The following RASAL2 variants were observed in gnomAD, a reference collection of about 807,000 sequenced individuals.
RASAL2 encodes ras GTPase-activating protein nGAP.
A neutral mutation model predicts 128.9 loss-of-function variants in RASAL2; 58 were observed. That is an observed-to-expected ratio of 0.45 (90% CI 0.36 to 0.56). The LOEUF (loss-of-function observed/expected upper bound fraction) is 0.56, where lower values mean the gene tolerates loss of function less well. Among genes scored for constraint, RASAL2 ranks in the 20% least tolerant of loss-of-function variants. The pLI, the probability that RASAL2 is intolerant of heterozygous loss-of-function variation, is 0.00. For synonymous variants in RASAL2, 561 were observed against 580.8 expected (o/e 0.97, Z 0.49); for missense variants, 1,360 against 1,601.6 (o/e 0.85, Z 2.57).
At chr1:178,199,151 C>T in intron 1 of RASAL2, among the ~76,000 whole-genome samples, 1 of 152,212 alleles carries the variant, frequency 6.6e-6, no homozygotes, top group East Asian at 1.9e-4. Flanking sequence ...TTTGCTAAGA[C>T]CACTGGAAAA....
At chr1:178,399,002 T>G (rs1673441498) in intron 4 of RASAL2, among the ~76,000 whole-genome samples, 1 of 152,214 alleles carries the variant, frequency 6.6e-6, no homozygotes, top group Non-Finnish European at 1.5e-5. Flanking sequence ...AATGCTGTAT[T>G]GTTGCCATCT....
chr1:178,436,450 A>G (rs964734256), intron 5 of RASAL2, among the ~76,000 whole-genome samples: 3 of 152,134 alleles, frequency 2.0e-5, no homozygotes, highest in African/African-American at 7.2e-5. Flanking sequence ...AGACCTGAGT[A>G]TCAAAATGAA....
intron 4 of RASAL2, among the ~76,000 whole-genome samples, chr1:178,395,789 A>G (rs997386529): frequency 1.4e-5 from 2 of 144,320 alleles, no homozygotes; most frequent in Non-Finnish European, 3.0e-5. Context: ...ATATATATAT[A>G]TATTTATTTA....
At chr1:178,371,377 C>T (rs541309345) in intron 3 of RASAL2, among the ~76,000 whole-genome samples, 51 of 150,808 alleles carry the variant, frequency 3.4e-4, no homozygotes, top group Non-Finnish European at 6.9e-4. Flanking sequence ...CACACACACA[C>T]TTCCTTTCTT....
chr1:178,439,284 T>C lies in RASAL2; in HGVS notation c.675-138T>C, dbSNP rs185588499. The C allele has an allele frequency of 3.6e-4, 257 of 705,140 alleles. 1 individual carries two copies. Among genetic ancestry groups the C allele is most frequent in the Non-Finnish European group, 2.6e-4 (115 of 447,928 alleles). The allele number at this position is 705,140 out of a possible 1,614,324, so 43.7% of individuals were successfully genotyped here. On this transcript the variant is annotated intron_variant, in intron 5 of 17. Coordinates refer to ENST00000367649, the MANE Select transcript of RASAL2 (RefSeq NM_170692.4). ...AATATGATTACTATTATTGTTACTG[T>C]AGATTAACTATTAATTTGTTCCTCA...
At chr1:178,382,619 G>A (rs185525360) in intron 3 of RASAL2, among the ~76,000 whole-genome samples, 1 of 151,744 alleles carries the variant, frequency 6.6e-6, no homozygotes, top group East Asian at 1.9e-4. Flanking sequence ...AGTAATACAT[G>A]GGTGATAGTT....
intron 3 of RASAL2, among the ~76,000 whole-genome samples, chr1:178,312,109 A>G (rs1668283800): frequency 1.3e-5 from 2 of 152,164 alleles, no homozygotes; most frequent in Non-Finnish European, 2.9e-5. Flanking sequence ...GTTGAATATC[A>G]AAACAACAAT....
At chr1:178,257,329 A>T (rs1361366742) in intron 1 of RASAL2, among the ~76,000 whole-genome samples, 1 of 152,128 alleles carries the variant, frequency 6.6e-6, no homozygotes, top group Non-Finnish European at 1.5e-5. Flanking sequence ...CAACAATCAT[A>T]GGGGATAAAA....
intron 1 of RASAL2, among the ~76,000 whole-genome samples, chr1:178,193,746 A>G (rs1002694452): frequency 6.7e-6 from 1 of 150,132 alleles, no homozygotes; most frequent in Non-Finnish European, 1.5e-5. Context: ...TGAAACTTAA[A>G]CATAATTTAC....
At chr1:178,157,424 C>A (rs1661120274) in intron 1 of RASAL2, among the ~76,000 whole-genome samples, 1 of 152,190 alleles carries the variant, frequency 6.6e-6, no homozygotes, top group African/African-American at 2.4e-5. Flanking sequence ...TCTGTCACAC[C>A]TCTGCCATTT....
intron 1 of RASAL2, among the ~76,000 whole-genome samples, chr1:178,267,512 T>C (rs1391552785): frequency 1.3e-5 from 2 of 151,994 alleles, no homozygotes; most frequent in Non-Finnish European, 2.9e-5. Flanking sequence ...TGCCCTTTTT[T>C]CCTGTTTGTT....
chr1:178,395,256 G>T (rs540280619), intron 4 of RASAL2, among the ~76,000 whole-genome samples: 3 of 152,288 alleles, frequency 2.0e-5, no homozygotes, highest in Admixed American at 6.5e-5. Context: ...GGTCCCAGAT[G>T]ATTCTAATAT....
At chr1:178,264,849 T>G (rs964080996) in intron 1 of RASAL2, among the ~76,000 whole-genome samples, 6 of 152,174 alleles carry the variant, frequency 3.9e-5, no homozygotes, top group Admixed American at 2.0e-4. Flanking sequence ...TCCATGGGGG[T>G]GTGGGTTACA....
At chr1:178,410,799 G>A (rs764912004) in intron 4 of RASAL2, among the ~76,000 whole-genome samples, 5 of 152,118 alleles carry the variant, frequency 3.3e-5, no homozygotes, top group Non-Finnish European at 7.4e-5. Context: ...TCAGGGAAAT[G>A]CAAATCAAAA....
At chr1:178,464,653 T>A (rs1170937883) in intron 15 of RASAL2, among the ~76,000 whole-genome samples, 1 of 151,774 alleles carries the variant, frequency 6.6e-6, no homozygotes, top group African/African-American at 2.4e-5. Context: ...AGCTACTATT[T>A]TTTTTAATGT....
chr1:178,235,103 T>C (rs1664173781), intron 1 of RASAL2, among the ~76,000 whole-genome samples: 1 of 152,186 alleles, frequency 6.6e-6, no homozygotes, highest in Non-Finnish European at 1.5e-5. Flanking sequence ...TCCATTAAAA[T>C]TTTTGAAAGA....
chr1:178,471,453 A>G (rs1196174047), intron 17 of RASAL2, among the ~76,000 whole-genome samples: 1 of 152,106 alleles, frequency 6.6e-6, no homozygotes, highest in Non-Finnish European at 1.5e-5. Context: ...AGTTTTGTCT[A>G]TCCTTAAAAT....
intron 1 of RASAL2, among the ~76,000 whole-genome samples, chr1:178,120,767 A>G (rs921750312): frequency 6.6e-6 from 1 of 152,240 alleles, no homozygotes; most frequent in African/African-American, 2.4e-5. Flanking sequence ...ATCAGGCATT[A>G]GATTCTCATA....
chr1:178,298,539 G>A (rs1037184260), intron 2 of RASAL2, among the ~76,000 whole-genome samples: 2 of 152,220 alleles, frequency 1.3e-5, no homozygotes, highest in Admixed American at 1.3e-4. Context: ...AGTCACAGGA[G>A]TTGGATTACG....
Sources: allele counts gnomAD v4.1 joint callset (sites outside exome capture counted in the v4.1 genomes callset), GRCh38; gene constraint gnomAD v4.1.1; transcripts MANE v1.5; gene names NCBI Gene and HGNC (gene_info 2026-07-23, HGNC 2026-07-21).